Variants in NID2 observed in about 807,000 individuals in gnomAD.
The protein encoded by NID2 is nidogen-2.
A neutral mutation model predicts 145.4 loss-of-function variants in NID2; 83 were observed. The ratio of observed to expected loss-of-function variants is 0.57; its 90% CI spans 0.48 to 0.69. NID2 has a LOEUF of 0.69. Among genes scored for constraint, NID2 ranks in the 30% least tolerant of loss-of-function variants. The pLI is 0.00. For missense variants in NID2, 1,807 were observed against 1,765.7 expected (o/e 1.02, Z -0.42); for synonymous variants, 739 against 701.3 (o/e 1.05, Z -0.85).
At chr14:52,036,871 G>GA (rs1892090590) in intron 9 of NID2, among the ~76,000 whole-genome samples, 1 of 51,078 alleles carries the variant, frequency 2.0e-5, no homozygotes, top group South Asian at 1.0e-3. Flanking sequence ...TGAGTTGTAA[G>GA]ATACTTCGTA....
intron 14 of NID2, among the ~76,000 whole-genome samples, chr14:52,016,582 T>C (rs1203539138): frequency 6.6e-6 from 1 of 152,140 alleles, no homozygotes; most frequent in Non-Finnish European, 1.5e-5. Context: ...TAGAATATCT[T>C]TACTTCTCAC....
Position 52,068,005 on chromosome 14 carries a change from G to T in NID2, c.387C>A (p.Ser129=). The T allele has an allele frequency of 6.2e-7, 1 of 1,612,560 alleles. No homozygotes were observed. The highest frequency in any genetic ancestry group is 8.5e-7 in the Non-Finnish European group (1 of 1,179,038). ...RGRVLYREDT[S]PAVLGLAARY... ...GGGCGGCCAGGCCCAGCACTGCGGG[G>T]GAGGTGTCCTCTCGGTACAGGACTC... The change falls in exon 2 of 22, where the codon TCC becomes TCA. Residue 129 remains serine (S), a synonymous_variant. Transcript: ENST00000216286.
intron 2 of NID2, among the ~76,000 whole-genome samples, chr14:52,066,374 A>G (rs1384987547): frequency 6.6e-6 from 1 of 152,122 alleles, no homozygotes; most frequent in East Asian, 1.9e-4. Flanking sequence ...ATAGCACAAC[A>G]GGGTGACTAT....
intron 9 of NID2, among the ~76,000 whole-genome samples, chr14:52,038,413 G>C (rs530968185): frequency 6.6e-6 from 1 of 152,158 alleles, no homozygotes; most frequent in African/African-American, 2.4e-5. Flanking sequence ...CATCACACTT[G>C]TAACAAATAC....
rs537110054 is a variant in NID2, at chr14:52,058,183, T to A, written c.767+1941A>T. On this transcript the variant is annotated intron_variant, in intron 3 of 21. Coordinates refer to ENST00000216286, the MANE Select transcript of NID2 (RefSeq NM_007361.4). ...TATACATATATGACATAACGTTTTG[T>A]AGCCTTAAAATGGTAGTATAGACAG... is the stretch of plus-strand genomic sequence containing the variant. 6.2e-4 allele frequency among the ~76,000 whole-genome samples: 94 copies of A among 152,358 alleles called. 1 individual carries two copies. Among genetic ancestry groups the A allele is most frequent in the Non-Finnish European group, 1.2e-3 (85 of 68,032 alleles).
At chr14:52,048,554 A>G (rs190545618) in intron 5 of NID2, among the ~76,000 whole-genome samples, 2 of 152,302 alleles carry the variant, frequency 1.3e-5, no homozygotes, top group East Asian at 1.9e-4. Flanking sequence ...TGTCCCTATC[A>G]TGGCTTTGAG....
intron 8 of NID2, among the ~76,000 whole-genome samples, chr14:52,039,893 G>T (rs181983503): frequency 6.6e-6 from 1 of 152,294 alleles, no homozygotes; most frequent in South Asian, 2.1e-4. Flanking sequence ...CTTATCTTTT[G>T]ACTCCAAATC....
At chr14:52,006,115 TTCC>T in intron 20 of NID2, 2 of 468,892 alleles carry the variant, frequency 4.3e-6, no homozygotes, top group South Asian at 4.6e-5. Flanking sequence ...TGTTCCACAG[TTCC>T]TCATTTGAGA....
At chr14:52,045,850 A>G (rs530308320) in intron 5 of NID2, among the ~76,000 whole-genome samples, 55 of 152,276 alleles carry the variant, frequency 3.6e-4, no homozygotes, top group Non-Finnish European at 6.8e-4. Flanking sequence ...GCCAAGCTCT[A>G]GGACTCAACC....
Position 52,019,299 on chromosome 14 carries a change from C to A in NID2, c.2795-5G>T. 1 of 1,575,598 alleles carries A rather than the reference C, an allele frequency of 6.3e-7. No homozygotes were observed. ...GTGTCAGGCTTGAGGTGGAGTCTTC[C>A]AGGATCAAGGCAGAGGAAGACACAA... On this transcript the variant is annotated splice_polypyrimidine_tract_variant and splice_region_variant and intron_variant, in intron 13 of 21. Transcript: ENST00000216286.
In NID2 at chr14:52,042,874, G is replaced by C; in HGVS notation, c.1487C>G (p.Ser496Cys). The C allele has an allele frequency of 6.2e-7, 1 of 1,614,198 alleles. No homozygotes were observed. Among genetic ancestry groups the C allele is most frequent in the Non-Finnish European group, 8.5e-7 (1 of 1,180,034 alleles). The change falls in exon 6 of 22, where the codon TCC becomes TGC. Residue 496 changes from serine to cysteine, a missense_variant. Coordinates refer to ENST00000216286, the MANE Select transcript of NID2 (RefSeq NM_007361.4). ...ETCEHNHRQC[S>C]RHAFCTDYAT... ...ATAGTCCGTGCAGAAGGCATGCCGG[G>C]AGCATTGTCTGTGGTTGTGTTCACA...
rs138400921 is a variant in NID2 at position 52,029,516 on chromosome 14, C to T, written c.2401+31G>A. On this transcript the variant is annotated intron_variant, in intron 10 of 21. Coordinates refer to ENST00000216286, the MANE Select transcript of NID2 (RefSeq NM_007361.4). Reference sequence around the variant, plus strand: ...GAGGGCAGAGGAAAAACAAGGGCTACAAGAAGGAGACACGAGAACATGGCT... The same window carrying T: ...GAGGGCAGAGGAAAAACAAGGGCTATAAGAAGGAGACACGAGAACATGGCT... The T allele has an allele frequency of 1.7e-3, 2,640 of 1,589,892 alleles. 7 individuals are homozygous for T. Among genetic ancestry groups the T allele is most frequent in the Non-Finnish European group, 2.2e-3 (2,515 of 1,161,028 alleles).
intron 20 of NID2, 86 bp from the exon 21 acceptor site, chr14:52,005,935 G>A: frequency 9.8e-7 from 1 of 1,019,036 alleles, no homozygotes; most frequent in Non-Finnish European, 1.5e-6. Context: ...AGTTGCAATA[G>A]AGGAAAATTT....
Position 52,035,089 on chromosome 14 carries a change from A to G in NID2, c.2257+3658T>C, listed in dbSNP as rs117137459. The stretch of plus-strand genomic sequence containing the variant: ...TCAACATTGTGCATTAGTGTGGTGC[A>G]TTTGTTATCCCCAATCAATACTGAC... On this transcript the variant is annotated intron_variant, in intron 9 of 21. Coordinates refer to ENST00000216286, the MANE Select transcript of NID2 (RefSeq NM_007361.4). 8.2e-3 allele frequency among the ~76,000 whole-genome samples: 1,241 copies of G among 152,268 alleles called. 37 individuals carry two copies. Among genetic ancestry groups the G allele is most frequent in the Admixed American group, 0.054 (819 of 15,294 alleles).
At chr14:52,050,736 T>C (rs1404052858) in intron 5 of NID2, among the ~76,000 whole-genome samples, 1 of 152,106 alleles carries the variant, frequency 6.6e-6, no homozygotes, top group Non-Finnish European at 1.5e-5. Flanking sequence ...GTCTCCCGAG[T>C]AGCTAGGACC....
intron 5 of NID2, among the ~76,000 whole-genome samples, chr14:52,046,376 C>T (rs574733269): frequency 6.8e-6 from 1 of 147,266 alleles, no homozygotes; most frequent in South Asian, 2.2e-4. Flanking sequence ...AAAATCAATC[C>T]AAACTTTACA....
intron 5 of NID2, among the ~76,000 whole-genome samples, chr14:52,050,978 G>A (rs545546747): frequency 6.6e-6 from 1 of 152,222 alleles, no homozygotes; most frequent in African/African-American, 2.4e-5. Context: ...CAGGTGCTTG[G>A]GTAACTTTTT....
intron 20 of NID2, 60 bp from the exon 21 acceptor site, chr14:52,005,909 T>C (rs111696676): frequency 2.3e-5 from 25 of 1,088,140 alleles, no homozygotes; most frequent in Admixed American, 6.5e-5. Context: ...AAGAAGTCAG[T>C]CAGCCACAGA....
chr14:52,027,438 G>T, intron 11 of NID2, 94 bp from the exon 12 acceptor site: 1 of 1,149,880 alleles, frequency 8.7e-7, no homozygotes, highest in Non-Finnish European at 1.2e-6. Context: ...AACAGCAACA[G>T]ACCAGGGAAT....
Sources: gnomAD v4.1 joint callset for allele counts (sites outside exome capture counted in the v4.1 genomes callset) on GRCh38, gnomAD v4.1.1 for gene constraint, MANE v1.5 for transcripts, NCBI Gene and HGNC (gene_info 2026-07-23, HGNC 2026-07-21) for gene names.